VWCE: variants seen among roughly 807,000 people sequenced by gnomAD.
VWCE encodes von Willebrand factor C and EGF domains.
Under a neutral mutation model 102.9 loss-of-function variants are expected in VWCE, and 68 were observed. The ratio of observed to expected loss-of-function variants is 0.66; its 90% confidence interval spans 0.54 to 0.81. The LOEUF (loss-of-function observed/expected upper bound fraction) is 0.81, where lower values mean the gene tolerates loss of function less well. Ranked by LOEUF, VWCE falls within the 30% of genes least tolerant of loss-of-function variation. The probability of loss-of-function intolerance (pLI) is 0.00; values close to 1 mark genes in which losing one functional copy is unlikely to be tolerated. For synonymous variants in VWCE, 497 were observed against 515.4 expected (o/e 0.96, Z 0.48); for missense variants, 1,137 against 1,263.6 (o/e 0.90, Z 1.52).
rs1854452300 is a variant in VWCE, at chr11:61,264,524, A to T, written c.2193T>A (p.Pro731=). The part of the protein sequence containing the change: ...KVPCQRACAD[P]ALLPGDCCSS... ...AGCAGCAGTCCCCAGGAAGCAGGGC[A>T]GGGTCGGCACAGGCCCGCTGGCAGG... The change falls in exon 19 of 20, where the codon CCT becomes CCA. Residue 731 remains proline, a synonymous_variant. Coordinates refer to ENST00000335613, the MANE Select transcript of VWCE (RefSeq NM_152718.2). 1 of 1,613,496 alleles carries T rather than the reference A, an allele frequency of 6.2e-7. No homozygotes were observed. The highest frequency in any genetic ancestry group is 1.1e-5 in the South Asian group (1 of 90,872).
In VWCE at chr11:61,281,875, C is replaced by T; in HGVS notation, c.698G>A (p.Cys233Tyr). 1 of 1,613,920 alleles carries T rather than the reference C, an allele frequency of 6.2e-7. No homozygotes were observed. Among genetic ancestry groups the T allele is most frequent in the Non-Finnish European group, 8.5e-7 (1 of 1,179,888 alleles). Residue 233 changes from cysteine (C) to tyrosine (Y), a missense_variant, in exon 7 of 20, where the codon TGT becomes TAT. By Grantham distance (194) the Cys-to-Tyr change is radical. Coordinates refer to ENST00000335613, the MANE Select transcript of VWCE (RefSeq NM_152718.2). ...ECRRPLERRV[C>Y]HHSCHNTVGS... ...CACGGTGTTGTGGCAGGAATGGTGA[C>T]AGACTCGCCTCTCCAATGGCCTCCG...
At position 61,273,201 on chromosome 11, in the gene VWCE, G is replaced by A; in HGVS notation, c.1697C>T (p.Thr566Ile). The A allele has an allele frequency of 6.2e-7, 1 of 1,613,970 alleles. No individual in the cohort carries two copies. Among genetic ancestry groups the A allele is most frequent in the Non-Finnish European group, 8.5e-7 (1 of 1,179,972 alleles). Residue 566 changes from threonine (T) to isoleucine (I), a missense_variant and splice_region_variant, in exon 13 of 20, where the codon ACA (threonine) becomes ATA (isoleucine). By Grantham distance (89) the Thr-to-Ile change is moderately conservative (BLOSUM62 -1). Around this residue, in one of 5 missense-constraint regions of VWCE, gnomAD observed 212 missense variants for 235.1 expected, o/e 0.90. Coordinates refer to ENST00000335613, the MANE Select transcript of VWCE (RefSeq NM_152718.2). ...GGGGCAGCCCTGGACCAGCTCACCT[G>A]TCGAGGGTGTGGGCTCCTGGCAGGT... ...CFTCQEPTPS[T>I]GCSLDDNGVE...
At chr11:61,269,218 T>C (rs1230459818) in intron 14 of VWCE, 200 bp from the exon 15 acceptor site, 3 of 579,844 alleles carry the variant, frequency 5.2e-6, no homozygotes, top group Non-Finnish European at 9.3e-6. Flanking sequence ...AGGAAGTCTA[T>C]GCATCTTTAA....
chr11:61,290,948 G>A (rs778372454), intron 3 of VWCE, 21 bp from the exon 4 acceptor site: 7 of 1,608,420 alleles, frequency 4.4e-6, no homozygotes, highest in Non-Finnish European at 5.1e-6. Context: ...CATCACACCA[G>A]TGAGCATGCA....
intron 10 of VWCE, among the ~76,000 whole-genome samples, chr11:61,277,048 AAGGG>A (rs1472295154): frequency 7.9e-5 from 7 of 88,930 alleles, no homozygotes; most frequent in African/African-American, 2.3e-4. Flanking sequence ...GGAGGGAAGG[AAGGG>A]AGGGAGGGAG....
chr11:61,261,152 G>A (rs544387862), intron 19 of VWCE, among the ~76,000 whole-genome samples: 1 of 152,014 alleles, frequency 6.6e-6, no homozygotes, highest in African/African-American at 2.4e-5. Flanking sequence ...ACCGGGAGGT[G>A]GAGGTTGCAG....
intron 19 of VWCE, among the ~76,000 whole-genome samples, chr11:61,260,602 T>C (rs1854325310): frequency 6.6e-6 from 1 of 152,122 alleles, no homozygotes; most frequent in East Asian, 1.9e-4. Context: ...CCAGCAAAAA[T>C]GCATTTAATA....
chr11:61,265,177 G>T lies in VWCE; in HGVS notation c.2001C>A (p.Pro667=). 6.5e-7 allele frequency: 1 copy of T among 1,530,180 alleles called. No homozygotes were observed. Among genetic ancestry groups the T allele is most frequent in the East Asian group, 2.4e-5 (1 of 42,176 alleles). The allele number at this position is 1,530,180 out of a possible 1,614,324, so 94.8% of individuals were successfully genotyped here. Residue 667 remains proline (P), a synonymous_variant, in exon 17 of 20, where the codon CCC becomes CCA. Transcript: ENST00000335613. The stretch of plus-strand genomic sequence containing the variant: ...GGTGGAAAGGGTAGGTACAGGTGAT[G>T]GGGCAGTCCACGGGGGAACAGGCCA... ...GSVACSPVDC[P]ITCTYPFHPD... is the part of the protein sequence containing the mutation.
chr11:61,282,781 C>T lies in VWCE; in HGVS notation c.658+8G>A, dbSNP rs201813369. The stretch of plus-strand genomic sequence containing the variant: ...AGTGTGCAGACCACAGGGTCCTCCC[C>T]GCCTTACCTACACAGGAGTGCCGGT... On this transcript the variant is annotated splice_region_variant and intron_variant, in intron 6 of 19. Transcript: ENST00000335613. 5.6e-6 allele frequency: 9 copies of T among 1,612,716 alleles called. No individual in the cohort carries two copies. The highest frequency in any genetic ancestry group is 1.1e-5 in the South Asian group (1 of 91,026).
intron 1 of VWCE, among the ~76,000 whole-genome samples, chr11:61,293,272 C>T (rs1348727145): frequency 7.6e-6 from 1 of 131,612 alleles, no homozygotes; most frequent in Non-Finnish European, 1.5e-5. Context: ...AAAAAATTAG[C>T]CAGGTGTGGT....
chr11:61,269,126 A>T (rs1854596138), intron 14 of VWCE, 108 bp from the exon 15 acceptor site: 1 of 1,022,022 alleles, frequency 9.8e-7, no homozygotes, highest in Admixed American at 2.1e-5. Context: ...GCTTGCCCTG[A>T]AAGGCAACAT....
At chr11:61,276,960 A>C (rs1590635096) in intron 10 of VWCE, among the ~76,000 whole-genome samples, 1 of 53,140 alleles carries the variant, frequency 1.9e-5, no homozygotes, top group Non-Finnish European at 3.6e-5. Context: ...AGGGGAGGGG[A>C]GGGGAAGGGC....
At chr11:61,288,473 A>T (rs1162474349) in intron 4 of VWCE, among the ~76,000 whole-genome samples, 1 of 150,852 alleles carries the variant, frequency 6.6e-6, no homozygotes, top group Non-Finnish European at 1.5e-5. Flanking sequence ...GCAGCTACCC[A>T]CTCTTCCCAA....
intron 13 of VWCE, among the ~76,000 whole-genome samples, chr11:61,272,568 C>T (rs1283715983): frequency 6.6e-6 from 1 of 151,552 alleles, no homozygotes; most frequent in Non-Finnish European, 1.5e-5. Context: ...ACACAGAAAA[C>T]TATTCAGAAA....
At chr11:61,270,072 C>T (rs1481947189) in intron 14 of VWCE, among the ~76,000 whole-genome samples, 2 of 152,088 alleles carry the variant, frequency 1.3e-5, no homozygotes, top group African/African-American at 2.4e-5. Flanking sequence ...TGCCCGCCAC[C>T]ACGCCCAGCT....
intron 19 of VWCE, among the ~76,000 whole-genome samples, chr11:61,259,709 G>A (rs771575957): frequency 2.0e-5 from 3 of 152,146 alleles, no homozygotes; most frequent in South Asian, 2.1e-4. Flanking sequence ...AACATGCCAC[G>A]CTGGTATGGG....
intron 15 of VWCE, 151 bp downstream of exon 15, chr11:61,268,771 T>G (rs1350628449): frequency 2.8e-6 from 2 of 721,084 alleles, no homozygotes. Context: ...CTGACTTGGG[T>G]AAACTGTTCT....
At chr11:61,264,634 C>G in intron 18 of VWCE, 57 bp from the exon 19 acceptor site, 1 of 1,537,584 alleles carries the variant, frequency 6.5e-7, no homozygotes, top group South Asian at 1.2e-5. Flanking sequence ...CTGCCCTGGG[C>G]AGTGCCCTCA....
rs1855148773 is a variant in VWCE, at chr11:61,281,822, C to T, written c.751G>A (p.Gly251Ser). The T allele has an allele frequency of 1.9e-6, 3 of 1,613,680 alleles. No homozygotes were observed. The highest frequency in any genetic ancestry group is 2.5e-6 in the Non-Finnish European group (3 of 1,179,832). Reference sequence around the variant, plus strand: ...ACGCGGTCAGCTCGGAGCCTGAAGCCAGGTCGGCATGTGCATAGGAAGCTG... The same window carrying T: ...ACGCGGTCAGCTCGGAGCCTGAAGCTAGGTCGGCATGTGCATAGGAAGCTG... ...VGSFLCTCRP[G>S]FRLRADRVSC... Residue 251 changes from glycine (G) to serine (S), a missense_variant, in exon 7 of 20, where the codon GGC becomes AGC. By Grantham distance (56) the Gly-to-Ser change is moderately conservative. This residue lies in a region of VWCE where 575 missense variants were observed against 625.9 expected (regional missense o/e 0.92). Transcript: ENST00000335613.
Sources: gnomAD v4.1 joint callset for allele counts (sites outside exome capture counted in the v4.1 genomes callset) on GRCh38, gnomAD v4.1.1 for gene constraint, gnomAD v4.1.1 regional missense constraint, MANE v1.5 for transcripts, NCBI Gene and HGNC (gene_info 2026-07-23, HGNC 2026-07-21) for gene names.